UPRT: variants seen among roughly 807,000 people sequenced by gnomAD.
UPRT encodes the protein RP11-311P8.3.
UPRT carries 5 observed loss-of-function variants against 22.6 expected under a neutral mutation model. That is an observed-to-expected ratio of 0.22 (90% CI 0.12 to 0.47). UPRT has a LOEUF of 0.47. Ranked by LOEUF, UPRT falls within the 20% of genes least tolerant of loss-of-function variation. The pLI is 0.99. For missense variants in UPRT, 181 were observed against 239.9 expected (o/e 0.75, Z 1.62); for synonymous variants, 77 against 87.7 (o/e 0.88, Z 0.68).
chrX:75,156,926 C>CACACACACACAG lies in UPRT; in HGVS notation c.-737+377_-737+378insCACACACACAGA, dbSNP rs748263766. On this transcript the variant is annotated intron_variant, in intron 1 of 13. Coordinates refer to the UPRT transcript ENST00000652605. ...ACACACACACACACACACACACACA[C>CACACACACACAG]AGAGAGACTACAGACATCTTTACTA... Among the ~76,000 whole-genome samples, 538 of 108,964 alleles carry CACACACACACAG rather than the reference C, an allele frequency of 4.9e-3. 3 individuals carry two copies. Among genetic ancestry groups the CACACACACACAG allele is most frequent in the African/African-American group, 0.017 (512 of 29,871 alleles). The allele number at this position is 108,964 out of a possible 115,157, so 94.6% of individuals were successfully genotyped here.
intron 4 of UPRT, among the ~76,000 whole-genome samples, chrX:75,262,467 C>T (rs1314693317): frequency 9.0e-6 from 1 of 111,303 alleles, no homozygotes; most frequent in Non-Finnish European, 1.9e-5. Context: ...CTAAATGATC[C>T]AAATAAAAGA....
chrX:75,162,889 TGTC>T (rs1318821550), intron 2 of UPRT, among the ~76,000 whole-genome samples: 1 of 111,805 alleles, frequency 8.9e-6, no homozygotes, highest in Non-Finnish European at 1.9e-5. Context: ...ATCAGTATGA[TGTC>T]GTGTTGATTT....
At chrX:75,300,999 A>G (rs2082742384) in intron 6 of UPRT, 34 bp downstream of exon 6, 1 of 1,065,964 alleles carries the variant, frequency 9.4e-7, no homozygotes, top group South Asian at 2.0e-5. Flanking sequence ...CTAGGGCTCC[A>G]TATAGTCCTG....
At chrX:75,241,879 A>AAGGCATAAGAATGATAC (rs1466444630) in intron 4 of UPRT, among the ~76,000 whole-genome samples, 1 of 103,695 alleles carries the variant, frequency 9.6e-6, no homozygotes, top group Non-Finnish European at 2.1e-5. Flanking sequence ...ATGAGGATAC[A>AAGGCATAAGAATGATAC]AAGGCATAAG....
intron 1 of UPRT, among the ~76,000 whole-genome samples, chrX:75,277,380 T>G (rs1456404926): frequency 3.4e-4 from 38 of 111,379 alleles, no homozygotes; most frequent in Non-Finnish European, 3.8e-5. Context: ...ACCTGGGTTA[T>G]GTAGTAAACC....
chrX:75,241,867 C>T (rs1427249687), intron 4 of UPRT, among the ~76,000 whole-genome samples: 2 of 109,035 alleles, frequency 1.8e-5, no homozygotes, highest in Non-Finnish European at 1.9e-5. Flanking sequence ...GGGAACTACA[C>T]TATGAGGATA....
At chrX:75,187,928 A>T (rs1428993427) in intron 4 of UPRT, among the ~76,000 whole-genome samples, 5 of 110,928 alleles carry the variant, frequency 4.5e-5, no homozygotes, top group South Asian at 3.8e-4. Flanking sequence ...ATTCTTCTAA[A>T]TTTTTTTCAA....
chrX:75,239,098 G>A (rs765392287), intron 4 of UPRT, among the ~76,000 whole-genome samples: 1 of 110,608 alleles, frequency 9.0e-6, no homozygotes, highest in South Asian at 3.8e-4. Flanking sequence ...CAGAAGAAAA[G>A]CAGTAACAAA....
At chrX:75,302,057 T>G (rs1166741707) in intron 6 of UPRT, among the ~76,000 whole-genome samples, 1 of 111,914 alleles carries the variant, frequency 8.9e-6, no homozygotes, top group Non-Finnish European at 1.9e-5. Flanking sequence ...ATATGGCTTC[T>G]CTAGTCAGGT....
chrX:75,198,799 C>G (rs757324660), intron 4 of UPRT, among the ~76,000 whole-genome samples: 1 of 111,378 alleles, frequency 9.0e-6, no homozygotes, highest in Non-Finnish European at 1.9e-5. Context: ...AGTCTGGAAT[C>G]ACCAATGCCA....
intron 4 of UPRT, among the ~76,000 whole-genome samples, chrX:75,244,215 T>G (rs1055489622): frequency 3.6e-5 from 4 of 111,604 alleles, no homozygotes; most frequent in Non-Finnish European, 7.6e-5. Flanking sequence ...AGACCAAGGC[T>G]CAAATCCCAC....
intron 4 of UPRT, among the ~76,000 whole-genome samples, chrX:75,241,621 C>T (rs746857902): frequency 8.9e-6 from 1 of 111,886 alleles, no homozygotes; most frequent in East Asian, 2.8e-4. Context: ...GACACTTACA[C>T]AGGCATGTTT....
chrX:75,296,589 G>A (rs1309034035), intron 3 of UPRT, among the ~76,000 whole-genome samples, 178 bp downstream of exon 3: 2 of 107,771 alleles, frequency 1.9e-5, no homozygotes, highest in East Asian at 5.9e-4. Flanking sequence ...CTGTGTAGAT[G>A]ACTTTTTGTT....
At position 75,274,775 on chromosome X, in the gene UPRT, G is replaced by GGTGT. The variant is rs201034223; in HGVS notation, c.386+174_386+177dup. The GGTGT allele has an allele frequency of 7.2e-3, 2,592 of 360,768 alleles. 36 individuals are homozygous for GGTGT. The highest frequency in any genetic ancestry group is 0.046 in the African/African-American group (1,530 of 33,409). The allele number at this position is 360,768 out of a possible 1,213,427, so 29.7% of individuals were successfully genotyped here. On this transcript the variant is annotated intron_variant, in intron 1 of 6. Coordinates refer to ENST00000373383, the MANE Select transcript of UPRT (RefSeq NM_145052.4). ...GAGATTGGGGTAAGACCTTTTATTTGGTGTGTGTGTGTGTGTGTGTGTGTG... is the reference window on the plus strand; with the variant it reads ...GAGATTGGGGTAAGACCTTTTATTTGGTGTGTGTGTGTGTGTGTGTGTGTGTGTG...
chrX:75,255,829 A>G (rs1268154257), intron 4 of UPRT, among the ~76,000 whole-genome samples: 1 of 112,067 alleles, frequency 8.9e-6, no homozygotes, highest in Non-Finnish European at 1.9e-5. Context: ...CTAAACATAT[A>G]TGCACTTAAC....
intron 4 of UPRT, among the ~76,000 whole-genome samples, chrX:75,181,807 T>C (rs148348318): frequency 5.5e-4 from 62 of 111,904 alleles, no homozygotes; most frequent in African/African-American, 1.8e-3. Context: ...ATAGTTTGAA[T>C]TCCTCTCTTC....
intron 4 of UPRT, among the ~76,000 whole-genome samples, chrX:75,240,840 A>G (rs1427753207): frequency 8.9e-6 from 1 of 111,791 alleles, no homozygotes; most frequent in Admixed American, 9.5e-5. Flanking sequence ...AGGACACCCT[A>G]TTCAACAAAT....
intron 1 of UPRT, chrX:75,291,423 T>C (rs1263378775): frequency 3.1e-6 from 1 of 325,885 alleles, no homozygotes; most frequent in Non-Finnish European, 5.9e-6. Context: ...ATTACGGTTA[T>C]GATTTAAAAT....
At chrX:75,262,022 G>A (rs749011464) in intron 4 of UPRT, among the ~76,000 whole-genome samples, 1 of 110,980 alleles carries the variant, frequency 9.0e-6, no homozygotes. Context: ...AAATGTTAAG[G>A]GCAGCCAGAG....
Sources: gnomAD v4.1 joint callset for allele counts (sites outside exome capture counted in the v4.1 genomes callset) on GRCh38, gnomAD v4.1.1 for gene constraint, MANE v1.5 for transcripts, NCBI Gene and HGNC (gene_info 2026-07-23, HGNC 2026-07-21) for gene names.